Variants in RALGPS1 observed in about 807,000 individuals in gnomAD.
The protein encoded by RALGPS1 is Ral GEF with PH domain and SH3 binding motif 1.
In RALGPS1, 19 loss-of-function variants were observed where a neutral mutation model predicts 78.8. That is an observed-to-expected ratio of 0.24 (90% confidence interval 0.17 to 0.35). The LOEUF is 0.35. Among genes scored for constraint, RALGPS1 ranks in the 10% least tolerant of loss-of-function variants. RALGPS1 has a pLI of 1.00. For synonymous variants in RALGPS1, 228 were observed against 256.3 expected (o/e 0.89, Z 1.06); for missense variants, 454 against 688.3 (o/e 0.66, Z 3.81).
chr9:127,095,831 G>A (rs945530219), intron 8 of RALGPS1, among the ~76,000 whole-genome samples: 1 of 152,138 alleles, frequency 6.6e-6, no homozygotes, highest in African/African-American at 2.4e-5. Flanking sequence ...ATCTCAGGTG[G>A]GCTGTTCCTG....
At chr9:126,953,083 A>G (rs1048571719) in intron 1 of RALGPS1, among the ~76,000 whole-genome samples, 4 of 152,154 alleles carry the variant, frequency 2.6e-5, no homozygotes, top group South Asian at 2.1e-4. Context: ...GGACTGTCTC[A>G]TGTTATTTTC....
chr9:126,928,455 G>A (rs942866247), intron 1 of RALGPS1, among the ~76,000 whole-genome samples: 6 of 152,174 alleles, frequency 3.9e-5, no homozygotes, highest in African/African-American at 1.4e-4. Flanking sequence ...GTAGAGGCAG[G>A]ATGATGAGAT....
chr9:127,148,305 G>T (rs1168127706), intron 8 of RALGPS1, among the ~76,000 whole-genome samples: 2 of 152,214 alleles, frequency 1.3e-5, no homozygotes, highest in Non-Finnish European at 2.9e-5. Flanking sequence ...GGGCCAGTCG[G>T]GCTGGATGTG....
intron 8 of RALGPS1, among the ~76,000 whole-genome samples, chr9:127,161,425 C>G (rs1239152176): frequency 6.6e-6 from 1 of 152,232 alleles, no homozygotes; most frequent in African/African-American, 2.4e-5. Flanking sequence ...CCTAAGGCCA[C>G]CCAGCTGGTG....
chr9:127,031,137 T>C (rs1419616262), intron 4 of RALGPS1, among the ~76,000 whole-genome samples: 1 of 152,196 alleles, frequency 6.6e-6, no homozygotes, highest in Admixed American at 6.5e-5. Context: ...ACTGGTCTCA[T>C]CCCAAACCCT....
chr9:126,986,172 G>C (rs2041781424), intron 4 of RALGPS1, among the ~76,000 whole-genome samples: 1 of 152,210 alleles, frequency 6.6e-6, no homozygotes, highest in African/African-American at 2.4e-5. Flanking sequence ...TCAGGGCTTA[G>C]AGGAAGCCAG....
chr9:127,219,013 A>G lies in RALGPS1; in HGVS notation c.*244A>G, dbSNP rs756894736. 22 of 562,816 alleles carry G rather than the reference A, an allele frequency of 3.9e-5. No individual in the cohort carries two copies. The highest frequency in any genetic ancestry group is 4.8e-4 in the Middle Eastern group (1 of 2,088). The allele number at this position is 562,816 out of a possible 1,614,324, so 34.9% of individuals were successfully genotyped here. ...CACCGCCTCTTGGGGCAGTGGTCAG[A>G]CCCCACACGCCCTCTCTGGGCCCAC... On this transcript the variant is annotated 3_prime_UTR_variant, in exon 19 of 19. Transcript: ENST00000259351. The surrounding 1 kb of genome is among the most constrained non-coding windows in gnomAD (Gnocchi z 5.0).
chr9:127,034,493 C>G lies in RALGPS1; in HGVS notation c.279C>G (p.Ala93=), dbSNP rs151285843. 332 of 1,613,978 alleles carry G rather than the reference C, an allele frequency of 2.1e-4. No individual in the cohort carries two copies. The highest frequency in any genetic ancestry group is 2.4e-4 in the Non-Finnish European group (285 of 1,179,990). The change falls in exon 5 of 19, where the codon GCC becomes GCG. Residue 93 remains alanine (A), a synonymous_variant. Coordinates refer to ENST00000259351, the MANE Select transcript of RALGPS1 (RefSeq NM_014636.3). ...ACAGTCTTGCCCCTAACGTTGTGGC[C>G]TTTACCCGGAGGTTTAACCAGGTAA... ...EKHSLAPNVV[A]FTRRFNQVSF...
intron 8 of RALGPS1, among the ~76,000 whole-genome samples, chr9:127,105,328 G>C (rs1554828344): frequency 6.6e-6 from 1 of 152,200 alleles, no homozygotes; most frequent in Non-Finnish European, 1.5e-5. Flanking sequence ...ACGGGCGAGT[G>C]CAGGACACTT....
chr9:127,061,099 G>A (rs1289154225), intron 7 of RALGPS1, among the ~76,000 whole-genome samples: 3 of 152,196 alleles, frequency 2.0e-5, no homozygotes, highest in African/African-American at 7.2e-5. Context: ...ATGAAAGCTG[G>A]TGGCTGCTGA....
At chr9:127,184,268 C>T (rs978082228) in intron 11 of RALGPS1, 9 of 467,278 alleles carry the variant, frequency 1.9e-5, no homozygotes, top group South Asian at 1.3e-4. Flanking sequence ...TACAGTGAGC[C>T]GTGATCGCGC....
intron 1 of RALGPS1, among the ~76,000 whole-genome samples, chr9:126,952,287 C>T (rs1407909844): frequency 6.6e-6 from 1 of 152,166 alleles, no homozygotes; most frequent in Non-Finnish European, 1.5e-5. Context: ...CACTATCTCT[C>T]CTTTCTTGGG....
intron 4 of RALGPS1, among the ~76,000 whole-genome samples, chr9:127,029,692 C>T (rs1381963393): frequency 1.3e-5 from 2 of 152,258 alleles, no homozygotes; most frequent in Non-Finnish European, 2.9e-5. Flanking sequence ...CTGACGCCAG[C>T]TTCCTGTGGC....
intron 4 of RALGPS1, among the ~76,000 whole-genome samples, chr9:127,020,087 G>T (rs568413551): frequency 1.3e-5 from 2 of 152,074 alleles, no homozygotes; most frequent in East Asian, 3.9e-4. Flanking sequence ...TAAGTTTGGG[G>T]ATTTTTTTTT....
At chr9:127,012,796 G>A (rs959724869) in intron 4 of RALGPS1, among the ~76,000 whole-genome samples, 1 of 152,098 alleles carries the variant, frequency 6.6e-6, no homozygotes, top group African/African-American at 2.4e-5. Flanking sequence ...GCATTCCTGG[G>A]GTCTGCTTGG....
intron 8 of RALGPS1, chr9:127,089,053 G>GC: frequency 6.2e-7 from 1 of 1,614,182 alleles, no homozygotes; most frequent in Non-Finnish European, 8.5e-7. Context: ...TCCGGTAATG[G>GC]CCCCCGCGGT....
At chr9:126,940,150 C>T (rs979440351) in intron 1 of RALGPS1, among the ~76,000 whole-genome samples, 1 of 152,194 alleles carries the variant, frequency 6.6e-6, no homozygotes, top group Non-Finnish European at 1.5e-5. Flanking sequence ...GGTCCTGTCA[C>T]ACTTCTTTAC....
chr9:127,154,908 C>T (rs2058627285), intron 8 of RALGPS1, among the ~76,000 whole-genome samples: 1 of 152,202 alleles, frequency 6.6e-6, no homozygotes, highest in Non-Finnish European at 1.5e-5. Context: ...GTTGGAAAGA[C>T]AAGCTCAAGA....
intron 3 of RALGPS1, among the ~76,000 whole-genome samples, chr9:126,975,918 G>A (rs771408283): frequency 2.0e-5 from 3 of 152,138 alleles, no homozygotes; most frequent in South Asian, 2.1e-4. Context: ...CATCTCACCC[G>A]TTTCCATGAA....
Sources: gnomAD v4.1 joint callset for allele counts (sites outside exome capture counted in the v4.1 genomes callset) on GRCh38, gnomAD v4.1.1 for gene constraint, Gnocchi (gnomAD v3.1) non-coding constraint, MANE v1.5 for transcripts, NCBI Gene and HGNC (gene_info 2026-07-23, HGNC 2026-07-21) for gene names.